The following NSUN3 variants were observed in gnomAD, a reference collection of about 807,000 sequenced individuals.
NSUN3 encodes NOP2/Sun RNA methyltransferase 3, also known as tRNA (cytosine(34)-C(5))-methyltransferase, mitochondrial.
A neutral mutation model predicts 36.8 loss-of-function variants in NSUN3; 24 were observed. The ratio of observed to expected loss-of-function variants is 0.65; its 90% CI spans 0.47 to 0.92. The LOEUF (loss-of-function observed/expected upper bound fraction) is 0.92. Among genes scored for constraint, NSUN3 ranks in the 40% least tolerant of loss-of-function variants. The pLI, the probability that NSUN3 is intolerant of heterozygous loss-of-function variation, is 0.00. For synonymous variants in NSUN3, 146 were observed against 145.2 expected (o/e 1.01, Z -0.04); for missense variants, 381 against 392.8 (o/e 0.97, Z 0.25).
At chr3:94,079,159 A>G (rs2077258592) in intron 2 of NSUN3, among the ~76,000 whole-genome samples, 1 of 152,110 alleles carries the variant, frequency 6.6e-6, no homozygotes, top group Non-Finnish European at 1.5e-5. Flanking sequence ...CTTGCCTGTA[A>G]AGGATTTTAT....
chr3:94,091,812 G>A (rs1330242605), intron 3 of NSUN3, among the ~76,000 whole-genome samples: 2 of 152,174 alleles, frequency 1.3e-5, no homozygotes, highest in South Asian at 2.1e-4. Context: ...ACAATGGCAG[G>A]GGTGACTTTG....
At chr3:94,096,112 C>T (rs979894694) in intron 5 of NSUN3, among the ~76,000 whole-genome samples, 8 of 152,062 alleles carry the variant, frequency 5.3e-5, no homozygotes, top group African/African-American at 1.9e-4. Context: ...GTGCCTTAAT[C>T]ACTCATTACC....
Position 94,063,063 on chromosome 3 carries a change from T to C in NSUN3, c.-64T>C. On this transcript the variant is annotated 5_prime_UTR_variant, in exon 1 of 6. Transcript: ENST00000314622. ...CCGGAAGTCAGACTGTTTTTTTCAG[T>C]TCCCTGGAGGCTTTTTGATACTGAT... The C allele has an allele frequency of 1.9e-6, 3 of 1,600,226 alleles. No homozygotes were observed. The highest frequency in any genetic ancestry group is 2.6e-6 in the Non-Finnish European group (3 of 1,167,896).
intron 2 of NSUN3, chr3:94,077,091 G>T: frequency 1.3e-6 from 1 of 781,220 alleles, no homozygotes; most frequent in South Asian, 1.3e-5. Flanking sequence ...AAAGAAAAGG[G>T]GTGTTCTTTT....
intron 5 of NSUN3, among the ~76,000 whole-genome samples, chr3:94,099,593 T>C (rs181977103): frequency 2.2e-4 from 34 of 152,156 alleles, no homozygotes; most frequent in Admixed American, 2.2e-3. Flanking sequence ...CTGAGAGGTT[T>C]TGGAATGACT....
intron 5 of NSUN3, among the ~76,000 whole-genome samples, chr3:94,104,887 G>A (rs867680758): frequency 1.1e-4 from 17 of 152,182 alleles, no homozygotes; most frequent in African/African-American, 2.6e-4. Context: ...TACTTTAAGC[G>A]TTTCATTAAC....
intron 5 of NSUN3, among the ~76,000 whole-genome samples, chr3:94,108,199 T>G (rs1267993553): frequency 6.6e-6 from 1 of 152,112 alleles, no homozygotes; most frequent in Non-Finnish European, 1.5e-5. Context: ...TTCACCACGT[T>G]TACTTTTTTT....
rs10576077 is a variant in NSUN3, at chr3:94,128,554, CGTGTGTGTGTGT to C, written c.*2083_*2094del. 2.2e-5 allele frequency: 3 copies of C among 138,310 alleles called. No individual in the cohort carries two copies. Among genetic ancestry groups the C allele is most frequent in the Non-Finnish European group, 3.1e-5 (2 of 64,570 alleles). 8.6% of individuals were successfully genotyped at this position (138,310 alleles called of 1,614,324 possible). A position where few individuals can be genotyped will look rare whatever the true frequency, so the allele number is the denominator to read the frequency against. ...CTATGATTACTGAAAAATGGATGCA[CGTGTGTGTGTGT>C]GTGTGTGTGTGTGTGTGTATATATA... On this transcript the variant is annotated 3_prime_UTR_variant, in exon 6 of 6. Coordinates refer to ENST00000314622, the MANE Select transcript of NSUN3 (RefSeq NM_022072.5).
intron 5 of NSUN3, among the ~76,000 whole-genome samples, chr3:94,109,741 A>G (rs531322813): frequency 3.9e-5 from 6 of 152,356 alleles, no homozygotes; most frequent in African/African-American, 9.6e-5. Context: ...CTGTGGGCAC[A>G]GTTGCTGCCC....
At chr3:94,081,538 C>G (rs2077269147) in intron 2 of NSUN3, 1 of 152,200 alleles carries the variant, frequency 6.6e-6, no homozygotes, top group Non-Finnish European at 1.5e-5. Flanking sequence ...ACTGTTCTTT[C>G]TCATTCCTGT....
At chr3:94,115,477 C>T (rs2077436134) in intron 5 of NSUN3, among the ~76,000 whole-genome samples, 1 of 152,066 alleles carries the variant, frequency 6.6e-6, no homozygotes, top group Non-Finnish European at 1.5e-5. Flanking sequence ...TATATTGGGG[C>T]TGTAATCTTA....
At chr3:94,076,063 A>C (rs2077244429) in intron 2 of NSUN3, 2 of 1,595,912 alleles carry the variant, frequency 1.3e-6, no homozygotes, top group South Asian at 1.1e-5. Flanking sequence ...ATATCTTGGC[A>C]GTGTGACCAC....
intron 5 of NSUN3, among the ~76,000 whole-genome samples, chr3:94,116,597 T>G (rs975443905): frequency 1.3e-5 from 2 of 152,058 alleles, no homozygotes; most frequent in African/African-American, 2.4e-5. Context: ...AATTAAGCTT[T>G]TATTGGATAA....
chr3:94,116,166 T>G (rs1576101031), intron 5 of NSUN3, among the ~76,000 whole-genome samples: 1 of 152,088 alleles, frequency 6.6e-6, no homozygotes, highest in African/African-American at 2.4e-5. Flanking sequence ...TAGATTAGTC[T>G]GGGAATGTTA....
At chr3:94,096,893 T>A (rs1234105034) in intron 5 of NSUN3, among the ~76,000 whole-genome samples, 1 of 152,216 alleles carries the variant, frequency 6.6e-6, no homozygotes, top group Non-Finnish European at 1.5e-5. Flanking sequence ...CTTATTAACA[T>A]TGTAATCTAC....
chr3:94,080,048 C>T (rs1236814063), intron 2 of NSUN3, among the ~76,000 whole-genome samples: 3 of 152,122 alleles, frequency 2.0e-5, no homozygotes, highest in African/African-American at 7.2e-5. Flanking sequence ...GCACTGGTTT[C>T]TCCCCATCTT....
chr3:94,106,326 A>G (rs1439040161), intron 5 of NSUN3, among the ~76,000 whole-genome samples: 2 of 152,198 alleles, frequency 1.3e-5, no homozygotes, highest in Non-Finnish European at 2.9e-5. Context: ...TGTTTCTGAC[A>G]AAAGAATAGC....
intron 5 of NSUN3, among the ~76,000 whole-genome samples, chr3:94,125,343 C>T (rs994993582): frequency 2.6e-5 from 4 of 152,190 alleles, no homozygotes; most frequent in South Asian, 2.1e-4. Context: ...ATTTTAAGGA[C>T]GAGACCTTTT....
intron 3 of NSUN3, among the ~76,000 whole-genome samples, chr3:94,086,064 C>T (rs1241398526): frequency 3.9e-5 from 6 of 152,060 alleles, no homozygotes. Flanking sequence ...CCGCCTCAGC[C>T]TCCCGAGTAG....
Sources: gnomAD v4.1 joint callset for allele counts (sites outside exome capture counted in the v4.1 genomes callset) on GRCh38, gnomAD v4.1.1 for gene constraint, MANE v1.5 for transcripts, NCBI Gene and HGNC (gene_info 2026-07-23, HGNC 2026-07-21) for gene names.